The following GRIK5 variants were observed in gnomAD, a reference collection of about 807,000 sequenced individuals.
The protein encoded by GRIK5 is glutamate receptor ionotropic, kainate 5.
In GRIK5, 43 loss-of-function variants were observed where a neutral mutation model predicts 97.4. The ratio of observed to expected loss-of-function variants is 0.44; its 90% CI spans 0.35 to 0.57. The LOEUF (loss-of-function observed/expected upper bound fraction) is 0.57, where lower values mean the gene tolerates loss of function less well. Among genes scored for constraint, GRIK5 ranks in the 20% least tolerant of loss-of-function variants. The pLI, the probability that GRIK5 is intolerant of heterozygous loss-of-function variation, is 0.01. For synonymous variants in GRIK5, 580 were observed against 583.5 expected, an observed-to-expected ratio of 0.99 and a Z score of 0.09; for missense variants, 1,015 against 1,382.0, an observed-to-expected ratio of 0.73 and a Z score of 4.21.
rs1161769885 is a variant in GRIK5, at chr19:42,042,711, C to T, written c.1314G>A (p.Ser438=). 3.1e-6 allele frequency: 5 copies of T among 1,613,640 alleles called. No homozygotes were observed. Among genetic ancestry groups the T allele is most frequent in the Non-Finnish European group, 2.5e-6 (3 of 1,180,024 alleles). The part of the protein sequence containing the change: ...VMRRPNFQAL[S]GNERFEGFCV... The stretch of plus-strand genomic sequence containing the variant: ...AGAAGCCCTCGAAGCGTTCGTTCCC[C>T]GACAGGGCCTGGAAGTTGGGCCGGC... Residue 438 remains serine, a synonymous_variant, in exon 12 of 20, where the codon TCG becomes TCA. Coordinates refer to ENST00000593562, the MANE Select transcript of GRIK5 (RefSeq NM_002088.5). The surrounding 1 kb of genome is among the most constrained non-coding windows in gnomAD (Gnocchi z 6.9).
At position 42,042,677 on chromosome 19, in the gene GRIK5, T is replaced by C; in HGVS notation, c.1348A>G (p.Met450Val). The C allele has an allele frequency of 6.2e-7, 1 of 1,613,614 alleles. No individual in the cohort carries two copies. ...NERFEGFCVDMLRELAELLRF... is the reference protein window; with the variant it reads ...NERFEGFCVDVLRELAELLRF... ...AGCAGCTCGGCCAGCTCCCGCAGCA[T>C]GTCCACGCAGAAGCCCTCGAAGCGT... Residue 450 changes from methionine to valine, a missense_variant, in exon 12 of 20, where the codon ATG (methionine) becomes GTG (valine). Met to Val is a conservative substitution (Grantham distance 21). Transcript: ENST00000593562. The surrounding 1 kb of genome is among the most constrained non-coding windows in gnomAD (Gnocchi z 6.9).
At chr19:42,005,602 A>G in intron 17 of GRIK5, 121 bp downstream of exon 17, 1 of 680,128 alleles carries the variant, frequency 1.5e-6, no homozygotes, top group Non-Finnish European at 2.7e-6. Flanking sequence ...CCATACAGCC[A>G]GGAGGCCACA....
intron 11 of GRIK5, 135 bp downstream of exon 11, chr19:42,053,467 G>T: frequency 1.6e-6 from 1 of 627,104 alleles, no homozygotes. Flanking sequence ...ACAACCTGGA[G>T]TTGCTGCGTG....
In GRIK5 at chr19:42,065,149, GC is replaced by G; in HGVS notation, c.244+73del. 7.4e-7 allele frequency: 1 copy of G among 1,350,716 alleles called. No individual in the cohort carries two copies. Among genetic ancestry groups the G allele is most frequent in the Non-Finnish European group, 1.0e-6 (1 of 975,360 alleles). The allele number at this position is 1,350,716 out of a possible 1,614,324, so 83.7% of individuals were successfully genotyped here. ...AGAAGAGGACAAGGCCAGGCCAGAG[GC>G]CAGGGGCAGAGGGATGGACTGAGGG... On this transcript the variant is annotated intron_variant, in intron 3 of 19. Transcript: ENST00000593562. The surrounding 1 kb of genome is among the most constrained non-coding windows in gnomAD (Gnocchi z 5.8).
At chr19:42,048,819 C>T (rs1464765858) in intron 11 of GRIK5, among the ~76,000 whole-genome samples, 1 of 151,712 alleles carries the variant, frequency 6.6e-6, no homozygotes, top group Non-Finnish European at 1.5e-5. Flanking sequence ...TGGGTGGATC[C>T]CTTGAGCCCA....
At chr19:42,055,056 G>A (rs2076165015) in intron 8 of GRIK5, among the ~76,000 whole-genome samples, 6 of 152,184 alleles carry the variant, frequency 3.9e-5, no homozygotes, top group Admixed American at 3.9e-4. Context: ...TGTAAAATGA[G>A]GATAATAGTA....
rs142824211 is a variant in GRIK5 at position 42,025,138 on chromosome 19, A to T, written c.1474-2784T>A. 1.2e-3 allele frequency among the ~76,000 whole-genome samples: 189 copies of T among 152,242 alleles called. 1 individual carries two copies. The highest frequency in any genetic ancestry group is 7.7e-3 in the South Asian group (37 of 4,826). ...CCTCTTCTTCCCTGGTGCCACAATG[A>T]AACCTCACGCAGTCAGACGCTTGCA... is the stretch of plus-strand genomic sequence containing the variant. On this transcript the variant is annotated intron_variant, in intron 12 of 19. Transcript: ENST00000593562.
In GRIK5 at chr19:42,003,299, G is replaced by A; in HGVS notation, c.2514+33C>T. On this transcript the variant is annotated intron_variant, in intron 19 of 19. Coordinates refer to ENST00000593562, the MANE Select transcript of GRIK5 (RefSeq NM_002088.5). This position sits in a 1 kb window ranked among gnomAD's most constrained non-coding sequence, Gnocchi z 4.2. Reference sequence around the variant, plus strand: ...CGCACCTCAGCCCCTGGGGGTCCCTGTTCCTGCCCACCCCCACCCCCAGCC... The same window carrying A: ...CGCACCTCAGCCCCTGGGGGTCCCTATTCCTGCCCACCCCCACCCCCAGCC... 2 of 1,596,112 alleles carry A rather than the reference G, an allele frequency of 1.3e-6. No individual in the cohort carries two copies. The highest frequency in any genetic ancestry group is 1.7e-6 in the Non-Finnish European group (2 of 1,168,278).
chr19:42,004,572 C>T (rs902142360), intron 17 of GRIK5, among the ~76,000 whole-genome samples: 15 of 152,220 alleles, frequency 9.9e-5, no homozygotes, highest in African/African-American at 2.4e-4. Flanking sequence ...TTCTGAATGA[C>T]GAAAGTGATA....
chr19:42,067,807 G>A (rs2076358631), intron 1 of GRIK5, among the ~76,000 whole-genome samples: 1 of 152,200 alleles, frequency 6.6e-6, no homozygotes, highest in Non-Finnish European at 1.5e-5. Context: ...CAGCCTAGAA[G>A]TGAGACAGCA....
chr19:42,057,009 T>C (rs1414476506), intron 6 of GRIK5, 31 bp from the exon 7 acceptor site: 1 of 1,528,300 alleles, frequency 6.5e-7, no homozygotes, highest in African/African-American at 1.4e-5. Context: ...AGAGGCAGAG[T>C]GAGAGACAGA....
chr19:42,052,348 GCA>G (rs1363159847), intron 11 of GRIK5, among the ~76,000 whole-genome samples: 1 of 151,952 alleles, frequency 6.6e-6, no homozygotes, highest in African/African-American at 2.4e-5. Context: ...GCACACCACA[GCA>G]CAGAGGGTCT....
chr19:42,021,970 G>A lies in GRIK5; in HGVS notation c.1674C>T (p.Ser558=). The change falls in exon 14 of 20, where the codon AGC becomes AGT. Residue 558 remains serine, a synonymous_variant. Transcript: ENST00000593562. The surrounding 1 kb of genome is among the most constrained non-coding windows in gnomAD (Gnocchi z 4.2). ...LFMLLAYLAV[S]CVLFLAARLS... Reference sequence around the variant, plus strand: ...ACCTGGCAGCCAGAAACAGGACGCAGCTGACAGCCAGGTAGGCAAGAAGCA... The same window carrying A: ...ACCTGGCAGCCAGAAACAGGACGCAACTGACAGCCAGGTAGGCAAGAAGCA... 6.2e-7 allele frequency: 1 copy of A among 1,613,266 alleles called. No homozygotes were observed. The highest frequency in any genetic ancestry group is 2.2e-5 in the East Asian group (1 of 44,872).
intron 17 of GRIK5, among the ~76,000 whole-genome samples, 156 bp downstream of exon 17, chr19:42,005,567 G>A (rs576137560): frequency 2.6e-5 from 4 of 152,348 alleles, no homozygotes; most frequent in African/African-American, 9.6e-5. Context: ...CAGAGGCTCA[G>A]GACGGTGATG....
chr19:42,059,261 C>A, intron 6 of GRIK5, 88 bp downstream of exon 6: 1 of 1,014,880 alleles, frequency 9.9e-7, no homozygotes, highest in Non-Finnish European at 1.5e-6. Flanking sequence ...CCTTTTGACT[C>A]CTGAGGCCCA....
chr19:42,064,629 C>T (rs910211069), intron 3 of GRIK5, among the ~76,000 whole-genome samples: 19 of 152,174 alleles, frequency 1.2e-4, no homozygotes, highest in Admixed American at 7.2e-4. Context: ...GAAACATACA[C>T]GAACACCATA....
chr19:42,055,069 C>T (rs2076165154), intron 8 of GRIK5, among the ~76,000 whole-genome samples: 1 of 152,220 alleles, frequency 6.6e-6, no homozygotes, highest in Non-Finnish European at 1.5e-5. Flanking sequence ...TAATAGTAAT[C>T]TCTACCTTCA....
In GRIK5 at chr19:42,002,466, T is replaced by C. The variant is rs2075434471; in HGVS notation, c.2514+866A>G. The C allele has an allele frequency of 4.2e-6, 3 of 717,488 alleles. No individual in the cohort carries two copies. The African/African-American group carries it at 5.2e-5, about 13-fold the overall frequency. The allele number at this position is 717,488 out of a possible 1,614,324, so 44.4% of individuals were successfully genotyped here. ...GGACACGGGTGGAGGGCACCTTTAC[T>C]AGCAGCATGGACGGCTCCTTCAGAG... On this transcript the variant is annotated intron_variant, in intron 19 of 19. Transcript: ENST00000593562. This position sits in a 1 kb window ranked among gnomAD's most constrained non-coding sequence, Gnocchi z 5.2.
Position 42,065,217 on chromosome 19 carries a change from G to T in GRIK5, c.244+6C>A. The T allele has an allele frequency of 6.2e-7, 1 of 1,606,304 alleles. No individual in the cohort carries two copies. ...CCTCACCCCACGCCCCCATGGCCCCGCTCACTGGTGTCCGTGGTCTCGTAC... is the reference window on the plus strand; with the variant it reads ...CCTCACCCCACGCCCCCATGGCCCCTCTCACTGGTGTCCGTGGTCTCGTAC... On this transcript the variant is annotated splice_donor_region_variant and intron_variant, in intron 3 of 19. Transcript: ENST00000593562. This position sits in a 1 kb window ranked among gnomAD's most constrained non-coding sequence, Gnocchi z 5.8.
Sources: allele counts gnomAD v4.1 joint callset (sites outside exome capture counted in the v4.1 genomes callset), GRCh38; gene constraint gnomAD v4.1.1; non-coding constraint Gnocchi (gnomAD v3.1); transcripts MANE v1.5; gene names NCBI Gene and HGNC (gene_info 2026-07-23, HGNC 2026-07-21).